DEAF1: variants seen among roughly 807,000 people sequenced by gnomAD.
The protein encoded by DEAF1 is deformed epidermal autoregulatory factor 1 homolog.
A neutral mutation model predicts 58.9 loss-of-function variants in DEAF1; 53 were observed. That is an observed-to-expected ratio of 0.90 (90% CI 0.72 to 1.13). The LOEUF is 1.13. Ranked by LOEUF, DEAF1 falls within the 50% of genes most tolerant of loss-of-function variation. DEAF1 has a pLI of 0.00. For missense variants in DEAF1, 685 were observed against 791.4 expected (o/e 0.87, Z 1.61); for synonymous variants, 385 against 340.4 (o/e 1.13, Z -1.44).
chr11:693,049 G>A (rs1293993250), intron 1 of DEAF1, among the ~76,000 whole-genome samples: 1 of 152,186 alleles, frequency 6.6e-6, no homozygotes, highest in Non-Finnish European at 1.5e-5. Flanking sequence ...GTGTCCTGCT[G>A]AGTTACTTAA....
At chr11:654,165 CTTTTT>C (rs369963488) in intron 10 of DEAF1, 114 bp from the exon 11 acceptor site, 243 of 411,372 alleles carry the variant, frequency 5.9e-4, no homozygotes, top group East Asian at 1.2e-3. Context: ...ATTGGACCCC[CTTTTT>C]TTTTTTTTTT....
At chr11:693,261 T>A (rs1860915170) in intron 1 of DEAF1, among the ~76,000 whole-genome samples, 1 of 152,092 alleles carries the variant, frequency 6.6e-6, no homozygotes, top group Non-Finnish European at 1.5e-5. Flanking sequence ...GAAATCAACC[T>A]CATGGCTCCA....
Position 644,529 on chromosome 11 carries a change from C to G in DEAF1, c.*21G>C, listed in dbSNP as rs201424932. 1.9e-6 allele frequency: 3 copies of G among 1,605,696 alleles called. No homozygotes were observed. The African/African-American group carries it at 4.0e-5, about 21-fold the overall frequency. ...CACAGGAGTGCGAGGGGCCCCAGCT[C>G]CCAGGGCGGCCGATGGAGCCTCACA... On this transcript the variant is annotated 3_prime_UTR_variant, in exon 12 of 12. Coordinates refer to ENST00000382409, the MANE Select transcript of DEAF1 (RefSeq NM_021008.4). The surrounding 1 kb of genome is among the most constrained non-coding windows in gnomAD (Gnocchi z 4.3).
chr11:652,679 T>A (rs1000145476), intron 11 of DEAF1, among the ~76,000 whole-genome samples: 1 of 151,976 alleles, frequency 6.6e-6, no homozygotes, highest in African/African-American at 2.4e-5. Context: ...CACTTCCCAA[T>A]TGATCTGAAA....
chr11:696,978 C>CT (rs909690526), upstream of DEAF1, among the ~76,000 whole-genome samples: 7 of 144,474 alleles, frequency 4.8e-5, no homozygotes, highest in Non-Finnish European at 6.0e-5. Flanking sequence ...ACTTGAGAGT[C>CT]TGAGGCAGGA....
At chr11:687,882 A>G (rs1448795399) in intron 4 of DEAF1, 29 bp downstream of exon 4, 2 of 1,613,836 alleles carry the variant, frequency 1.2e-6, no homozygotes. Context: ...GGGGAATACA[A>G]CTTTGGAGTC....
Position 644,607 on chromosome 11 carries a change from G to A in DEAF1, c.1641C>T (p.Thr547=), listed in dbSNP as rs200505316. Residue 547 remains threonine (T), a synonymous_variant, in exon 12 of 12, where the codon ACC becomes ACT. Coordinates refer to ENST00000382409, the MANE Select transcript of DEAF1 (RefSeq NM_021008.4). This position sits in a 1 kb window ranked among gnomAD's most constrained non-coding sequence, Gnocchi z 4.3. The part of the protein sequence containing the change: ...QHICGQSAAV[T]VQADEVHVAE... Reference sequence around the variant, plus strand: ...CCACGTGGACTTCGTCTGCCTGGACGGTGACAGCTGCTGACTGGCCGCATA... The same window carrying A: ...CCACGTGGACTTCGTCTGCCTGGACAGTGACAGCTGCTGACTGGCCGCATA... 6 of 1,613,050 alleles carry A rather than the reference G, an allele frequency of 3.7e-6. No individual in the cohort carries two copies. The African/African-American group carries it at 4.0e-5, about 11-fold the overall frequency.
intron 10 of DEAF1, among the ~76,000 whole-genome samples, chr11:671,408 G>A (rs1257589987): frequency 6.6e-6 from 1 of 151,904 alleles, no homozygotes; most frequent in Non-Finnish European, 1.5e-5. Context: ...TTTTTGTAGA[G>A]ACGGGGTTTC....
At chr11:698,991 G>T (rs914558005), upstream of DEAF1, 9 of 1,408,696 alleles carry the variant, frequency 6.4e-6, no homozygotes, top group African/African-American at 1.3e-4. Flanking sequence ...GTTCTGTCTA[G>T]TAATTCCACT....
chr11:681,296 G>A (rs1288971069), intron 6 of DEAF1, among the ~76,000 whole-genome samples: 1 of 151,976 alleles, frequency 6.6e-6, no homozygotes, highest in Admixed American at 6.6e-5. Context: ...GTGCAGTGGC[G>A]CCATCTTGGC....
chr11:675,923 A>ACC (rs1342667830), intron 9 of DEAF1, among the ~76,000 whole-genome samples: 2 of 71,296 alleles, frequency 2.8e-5, no homozygotes, highest in Non-Finnish European at 5.5e-5. Context: ...AGCACCTGAC[A>ACC]CCCCCCAGCA....
chr11:701,955 G>A (rs1048111762), intron 1 of DEAF1, among the ~76,000 whole-genome samples: 5 of 152,184 alleles, frequency 3.3e-5, no homozygotes, highest in East Asian at 1.9e-4. Flanking sequence ...GCTCATGGTC[G>A]TAACATGTGC....
chr11:701,355 A>ATTTTG (rs1013633727), intron 1 of DEAF1, among the ~76,000 whole-genome samples: 2 of 137,390 alleles, frequency 1.5e-5, no homozygotes, highest in South Asian at 4.6e-4. Flanking sequence ...CGCCCAGCTA[A>ATTTTG]TTTTGTTTTG....
intron 10 of DEAF1, among the ~76,000 whole-genome samples, chr11:654,822 T>C (rs961543692): frequency 6.6e-6 from 1 of 151,124 alleles, no homozygotes; most frequent in African/African-American, 2.5e-5. Context: ...TGAACCGAGA[T>C]TGCACTACTG....
chr11:644,448 CCTCTT>C lies in DEAF1; in HGVS notation c.*97_*101del, dbSNP rs1325765201. On this transcript the variant is annotated 3_prime_UTR_variant, in exon 12 of 12. Coordinates refer to ENST00000382409, the MANE Select transcript of DEAF1 (RefSeq NM_021008.4). The surrounding 1 kb of genome is among the most constrained non-coding windows in gnomAD (Gnocchi z 4.3). ...GCAAGTTTCTTTACCTTCCCACACCCCTCTTCTCAACGTCCCCCCAGAGTCCTCAG... is the reference window on the plus strand; with the variant it reads ...GCAAGTTTCTTTACCTTCCCACACCCCTCAACGTCCCCCCAGAGTCCTCAG... 1 of 846,366 alleles carries C rather than the reference CCTCTT, an allele frequency of 1.2e-6. No homozygotes were observed. Among genetic ancestry groups the C allele is most frequent in the Non-Finnish European group, 1.9e-6 (1 of 515,174 alleles). The allele number at this position is 846,366 out of a possible 1,614,324, so 52.4% of individuals were successfully genotyped here.
chr11:694,560 CAGGGCGGGT>C (rs995492668), intron 1 of DEAF1, 190 bp downstream of exon 1: 64 of 231,366 alleles, frequency 2.8e-4, no homozygotes, highest in Non-Finnish European at 3.9e-4. Flanking sequence ...GGCAGGTGTG[CAGGGCGGGT>C]GGGGCGGGCG....
intron 11 of DEAF1, among the ~76,000 whole-genome samples, chr11:650,022 AAAAAACAAAAAC>A (rs150492580): frequency 0.39 from 59,032 of 150,260 alleles, 12,309 homozygotes; most frequent in East Asian, 0.58. Context: ...GAGATTGTCT[AAAAAACAAAAAC>A]AAAAACAAAA....
chr11:705,734 G>A (rs1414885235), intron 1 of DEAF1, among the ~76,000 whole-genome samples: 1 of 152,190 alleles, frequency 6.6e-6, no homozygotes, highest in Non-Finnish European at 1.5e-5. Flanking sequence ...GGCACCTGAG[G>A]GGTGCACCTG....
At chr11:702,859 T>G in intron 1 of DEAF1, 1 of 1,341,696 alleles carries the variant, frequency 7.5e-7, no homozygotes, top group Non-Finnish European at 1.0e-6. Flanking sequence ...GCTGCTCTGG[T>G]CCCAGCAGCC....
Sources: gnomAD v4.1 joint callset for allele counts (sites outside exome capture counted in the v4.1 genomes callset) on GRCh38, gnomAD v4.1.1 for gene constraint, Gnocchi (gnomAD v3.1) non-coding constraint, MANE v1.5 for transcripts, NCBI Gene and HGNC (gene_info 2026-07-23, HGNC 2026-07-21) for gene names.